PPP1R12B: variants seen among roughly 807,000 people sequenced by gnomAD.
PPP1R12B encodes the protein protein phosphatase 1 regulatory subunit 12B.
PPP1R12B carries 76 observed loss-of-function variants against 126.1 expected under a neutral mutation model. The observed-to-expected ratio is 0.60, with a 90% CI of 0.50 to 0.73. The LOEUF (loss-of-function observed/expected upper bound fraction) is 0.73, where lower values mean the gene tolerates loss of function less well. Ranked by LOEUF, PPP1R12B falls within the 30% of genes least tolerant of loss-of-function variation. PPP1R12B has a pLI of 0.00. For synonymous variants in PPP1R12B, 356 were observed against 434.7 expected, an observed-to-expected ratio of 0.82 and a Z score of 2.25; for missense variants, 1,052 against 1,205.1, an observed-to-expected ratio of 0.87 and a Z score of 1.88.
intron 18 of PPP1R12B, among the ~76,000 whole-genome samples, chr1:202,553,306 G>C (rs1391561182): frequency 1.3e-5 from 2 of 152,250 alleles, no homozygotes; most frequent in African/African-American, 4.8e-5. Flanking sequence ...CATAAAAGCT[G>C]TGAAAGTAAT....
At position 202,583,134 on chromosome 1, in the gene PPP1R12B, A is replaced by C. The variant is rs537902118; in HGVS notation, c.*2574A>C. Reference sequence around the variant, plus strand: ...CATTCTGGGAGAGGAAATCAACATAAGGTGTTGACTAATTGATTATCCTGG... The same window carrying C: ...CATTCTGGGAGAGGAAATCAACATACGGTGTTGACTAATTGATTATCCTGG... On this transcript the variant is annotated 3_prime_UTR_variant, in exon 24 of 24. Transcript: ENST00000608999. 6.6e-6 allele frequency: 1 copy of C among 152,332 alleles called. No individual in the cohort carries two copies. The highest frequency in any genetic ancestry group is 1.9e-4 in the East Asian group (1 of 5,184). 9.4% of individuals were successfully genotyped at this position (152,332 alleles called of 1,614,324 possible).
chr1:202,502,276 G>A, intron 18 of PPP1R12B: 1 of 984,056 alleles, frequency 1.0e-6, no homozygotes, highest in African/African-American at 1.7e-5. Flanking sequence ...ATAACTGGGG[G>A]TATGCTCGTG....
intron 18 of PPP1R12B, among the ~76,000 whole-genome samples, chr1:202,521,620 A>G (rs1682799894): frequency 6.6e-6 from 1 of 152,194 alleles, no homozygotes; most frequent in Non-Finnish European, 1.5e-5. Context: ...GCTTAAGAGA[A>G]AATTACAGAA....
At chr1:202,493,058 C>CA in intron 14 of PPP1R12B, 56 bp from the exon 15 acceptor site, 1 of 1,541,574 alleles carries the variant, frequency 6.5e-7, no homozygotes, top group Non-Finnish European at 8.9e-7. Flanking sequence ...CCTGATCAAT[C>CA]AAGAGTTATT....
chr1:202,538,450 T>G (rs1684776204), intron 18 of PPP1R12B, among the ~76,000 whole-genome samples: 2 of 152,236 alleles, frequency 1.3e-5, no homozygotes, highest in Non-Finnish European at 2.9e-5. Context: ...TCAACCTATA[T>G]TCCTCAGACC....
At chr1:202,520,707 A>T (rs1365468349) in intron 18 of PPP1R12B, among the ~76,000 whole-genome samples, 2 of 152,208 alleles carry the variant, frequency 1.3e-5, no homozygotes, top group African/African-American at 4.8e-5. Flanking sequence ...CTGTTATTTC[A>T]AAAGTGAAAG....
chr1:202,354,716 C>T lies in PPP1R12B; in HGVS notation c.291+5574C>T, dbSNP rs114663086. On this transcript the variant is annotated intron_variant, in intron 1 of 23. Coordinates refer to ENST00000608999, the MANE Select transcript of PPP1R12B (RefSeq NM_002481.4). Reference sequence around the variant, plus strand: ...CAGGCTGGAGTGCAGTGCACGATCTCGACTCACTGCAACCTCTGCGTCCCG... The same window carrying T: ...CAGGCTGGAGTGCAGTGCACGATCTTGACTCACTGCAACCTCTGCGTCCCG... Among the ~76,000 whole-genome samples, 583 of 151,430 alleles carry T rather than the reference C, an allele frequency of 3.8e-3. 7 individuals are homozygous for T. The highest frequency in any genetic ancestry group is 0.014 in the African/African-American group (560 of 41,310).
At chr1:202,504,224 C>A (rs532541326) in intron 18 of PPP1R12B, among the ~76,000 whole-genome samples, 59 of 152,190 alleles carry the variant, frequency 3.9e-4, no homozygotes, top group African/African-American at 1.3e-3. Context: ...GAAACCCCAT[C>A]TCTACTAAAA....
chr1:202,404,251 T>G (rs1666263297), intron 1 of PPP1R12B, among the ~76,000 whole-genome samples: 1 of 152,164 alleles, frequency 6.6e-6, no homozygotes, highest in African/African-American at 2.4e-5. Context: ...CACTAGCCTG[T>G]AGGGTAAAGT....
intron 18 of PPP1R12B, among the ~76,000 whole-genome samples, chr1:202,521,665 C>A (rs1291438223): frequency 3.3e-5 from 5 of 151,902 alleles, no homozygotes; most frequent in Non-Finnish European, 7.4e-5. Context: ...TTTCAGAATG[C>A]AGTTTAGAGA....
intron 1 of PPP1R12B, among the ~76,000 whole-genome samples, chr1:202,352,526 C>T (rs567385295): frequency 6.6e-6 from 1 of 152,206 alleles, no homozygotes; most frequent in African/African-American, 2.4e-5. Context: ...TGTCTCTTAG[C>T]ACGGTCTGAT....
At chr1:202,509,405 C>G (rs988186763) in intron 18 of PPP1R12B, among the ~76,000 whole-genome samples, 2 of 152,146 alleles carry the variant, frequency 1.3e-5, no homozygotes, top group Non-Finnish European at 2.9e-5. Flanking sequence ...TGTTTTAGTT[C>G]ATTACCTTTT....
chr1:202,543,724 C>T (rs1434226697), intron 18 of PPP1R12B, among the ~76,000 whole-genome samples: 2 of 152,110 alleles, frequency 1.3e-5, no homozygotes, highest in South Asian at 2.1e-4. Context: ...GCAACAAGAG[C>T]GAAACTCCGT....
chr1:202,510,807 A>G (rs547667952), intron 18 of PPP1R12B, among the ~76,000 whole-genome samples: 354 of 150,278 alleles, frequency 2.4e-3, no homozygotes, highest in Non-Finnish European at 4.0e-3. Flanking sequence ...TTATTTATTT[A>G]TTTTTGATAT....
At chr1:202,500,105 C>T (rs746453127) in intron 18 of PPP1R12B, among the ~76,000 whole-genome samples, 11 of 152,164 alleles carry the variant, frequency 7.2e-5, no homozygotes, top group African/African-American at 1.2e-4. Flanking sequence ...TATGATTCAG[C>T]AGTCCCACCA....
At chr1:202,466,356 T>C (rs1345855923) in intron 13 of PPP1R12B, among the ~76,000 whole-genome samples, 1 of 152,190 alleles carries the variant, frequency 6.6e-6, no homozygotes, top group Non-Finnish European at 1.5e-5. Context: ...ATGTTGACTA[T>C]TGCCTTCCTA....
chr1:202,565,349 TAAA>T lies in PPP1R12B; in HGVS notation c.2757+805_2757+807del, dbSNP rs901123236. ...TAGAATTTCGAAAGCTGAACTGAAG[TAAA>T]AATGATTCTTTAGCAGGAAGGCTTG... On this transcript the variant is annotated intron_variant, in intron 21 of 23. Transcript: ENST00000608999. This position sits in a 1 kb window ranked among gnomAD's most constrained non-coding sequence, Gnocchi z 4.3. 1.3e-5 allele frequency among the ~76,000 whole-genome samples: 2 copies of T among 152,178 alleles called. No homozygotes were observed. The highest frequency in any genetic ancestry group is 4.8e-5 in the African/African-American group (2 of 41,438).
intron 18 of PPP1R12B, chr1:202,540,063 G>C: frequency 6.8e-7 from 1 of 1,473,930 alleles, no homozygotes; most frequent in Non-Finnish European, 9.1e-7. Context: ...GATTCTGTGA[G>C]GGTAACCTAC....
At chr1:202,472,055 C>T (rs2148794061) in intron 13 of PPP1R12B, 1 of 1,594,832 alleles carries the variant, frequency 6.3e-7, no homozygotes, top group Non-Finnish European at 8.5e-7. Context: ...CCAGGCGTTT[C>T]TTCTTGTGTT....
Sources: allele counts gnomAD v4.1 joint callset (sites outside exome capture counted in the v4.1 genomes callset), GRCh38; gene constraint gnomAD v4.1.1; non-coding constraint Gnocchi (gnomAD v3.1); transcripts MANE v1.5; gene names NCBI Gene and HGNC (gene_info 2026-07-23, HGNC 2026-07-21).